The following PPP2R2C variants were observed in gnomAD, a reference collection of about 807,000 sequenced individuals.
PPP2R2C encodes protein phosphatase 2 regulatory subunit Bgamma.
PPP2R2C carries 10 observed loss-of-function variants against 45.3 expected under a neutral mutation model. The ratio of observed to expected loss-of-function variants is 0.22; its 90% CI spans 0.14 to 0.37. The LOEUF is 0.37. Among genes scored for constraint, PPP2R2C ranks in the 10% least tolerant of loss-of-function variants. PPP2R2C has a pLI of 1.00. For synonymous variants in PPP2R2C, 257 were observed against 245.4 expected, an observed-to-expected ratio of 1.05 and a Z score of -0.44; for missense variants, 308 against 619.7, an observed-to-expected ratio of 0.50 and a Z score of 5.34.
rs539841617 is a variant in PPP2R2C, at chr4:6,557,688, T to C, written c.-59+5872A>G. 2.6e-5 allele frequency among the ~76,000 whole-genome samples: 4 copies of C among 152,204 alleles called. No homozygotes were observed. The East Asian group carries it at 7.7e-4, about 29-fold the overall frequency. On this transcript the variant is annotated intron_variant, in intron 1 of 9. Transcript: ENST00000506140. The stretch of plus-strand genomic sequence containing the variant: ...ACAGCAGAGGTCAGCATGGTTATTT[T>C]AGGGAGTTGAAAGGGGAGTCTGGAT...
intron 6 of PPP2R2C, among the ~76,000 whole-genome samples, chr4:6,336,825 T>C (rs1177840203): frequency 2.3e-3 from 5 of 2,166 alleles, no homozygotes; most frequent in Non-Finnish European, 3.0e-3. Flanking sequence ...CCCTCCCTCC[T>C]TCCCTCCCTC....
At chr4:6,495,863 A>G (rs1010343044) in intron 2 of PPP2R2C, among the ~76,000 whole-genome samples, 2 of 152,198 alleles carry the variant, frequency 1.3e-5, no homozygotes, top group South Asian at 2.1e-4. Context: ...CAACAGAAAC[A>G]TGTCCTCTCA....
chr4:6,505,389 C>T (rs1004730277), intron 2 of PPP2R2C, among the ~76,000 whole-genome samples: 4 of 152,072 alleles, frequency 2.6e-5, no homozygotes, highest in Non-Finnish European at 4.4e-5. Context: ...ACATAAAAGA[C>T]CATTCAATAC....
intron 1 of PPP2R2C, among the ~76,000 whole-genome samples, chr4:6,409,522 GA>G (rs1718011860): frequency 6.6e-6 from 1 of 152,184 alleles, no homozygotes; most frequent in Non-Finnish European, 1.5e-5. Context: ...GATGTGCCCA[GA>G]GCAGCCAGCC....
intron 1 of PPP2R2C, among the ~76,000 whole-genome samples, chr4:6,442,455 G>T (rs9991896): frequency 0.27 from 41,359 of 152,118 alleles, 6,064 homozygotes; most frequent in Admixed American, 0.41. Context: ...CCACCAAGCC[G>T]TGACTGTGGT....
upstream of PPP2R2C, among the ~76,000 whole-genome samples, chr4:6,476,001 G>T (rs575977806): frequency 1.3e-5 from 2 of 152,188 alleles, no homozygotes; most frequent in Non-Finnish European, 1.5e-5. Flanking sequence ...GGGAGCACAC[G>T]GCGAGACAGT....
intron 2 of PPP2R2C, among the ~76,000 whole-genome samples, chr4:6,534,471 A>G (rs111523472): frequency 0.014 from 2,159 of 151,700 alleles, 54 homozygotes; most frequent in African/African-American, 0.049. Context: ...CACACACCCT[A>G]ACACACATAC....
At position 6,337,108 on chromosome 4, in the gene PPP2R2C, GTGTGTATATATATATATATA is replaced by G. The variant is rs1294344325; in HGVS notation, c.791-3397_791-3378del. Among the ~76,000 whole-genome samples the G allele has an allele frequency of 2.3e-3, 76 of 33,246 alleles. 7 individuals carry two copies. The East Asian group carries it at 0.075, about 33-fold the overall frequency. The allele number at this position is 33,246 out of a possible 152,430, so 21.8% of individuals were successfully genotyped here. A position where few individuals can be genotyped will look rare whatever the true frequency, so the allele number is the denominator to read the frequency against. Reference sequence around the variant, plus strand: ...TTGGCATCTTTGTTTCTGTATGTGTGTGTGTATATATATATATATATATATATATATATATATATATATAT... The same window carrying G: ...TTGGCATCTTTGTTTCTGTATGTGTGTATATATATATATATATATATATAT... On this transcript the variant is annotated intron_variant, in intron 6 of 8. Coordinates refer to ENST00000382599, the MANE Select transcript of PPP2R2C (RefSeq NM_020416.4).
chr4:6,402,686 G>C (rs554365840), intron 1 of PPP2R2C, among the ~76,000 whole-genome samples: 2 of 152,214 alleles, frequency 1.3e-5, no homozygotes, highest in Admixed American at 6.5e-5. Context: ...CCAGGGCTGC[G>C]ATGGAGGGAG....
chr4:6,485,015 A>G (rs1231249607), intron 2 of PPP2R2C, among the ~76,000 whole-genome samples: 1 of 151,784 alleles, frequency 6.6e-6, no homozygotes, highest in Non-Finnish European at 1.5e-5. Flanking sequence ...AAAGCATTCA[A>G]TCTTTCATTT....
chr4:6,546,058 G>C (rs1242199513), intron 1 of PPP2R2C, among the ~76,000 whole-genome samples: 1 of 152,224 alleles, frequency 6.6e-6, no homozygotes, highest in East Asian at 1.9e-4. Flanking sequence ...GTGGCTAAAC[G>C]AGAAGGGCCC....
intron 1 of PPP2R2C, among the ~76,000 whole-genome samples, chr4:6,541,644 C>G (rs980899072): frequency 6.6e-6 from 1 of 152,182 alleles, no homozygotes; most frequent in African/African-American, 2.4e-5. Flanking sequence ...CCTCCCAGGT[C>G]AAGCAATCCT....
intron 2 of PPP2R2C, among the ~76,000 whole-genome samples, chr4:6,485,901 G>A (rs1027366132): frequency 6.6e-6 from 1 of 151,426 alleles, no homozygotes; most frequent in African/African-American, 2.4e-5. Context: ...TTCTCTTCTG[G>A]TCCTTACTAT....
At chr4:6,460,036 G>A (rs1277052863) in intron 1 of PPP2R2C, among the ~76,000 whole-genome samples, 1 of 152,136 alleles carries the variant, frequency 6.6e-6, no homozygotes, top group African/African-American at 2.4e-5. Context: ...CACTGCTCAT[G>A]ATCCTAAACC....
rs563485392 is a variant in PPP2R2C at position 6,456,557 on chromosome 4, C to T, written c.70+15603G>A. On this transcript the variant is annotated intron_variant, in intron 1 of 8. Coordinates refer to ENST00000382599, the MANE Select transcript of PPP2R2C (RefSeq NM_020416.4). ...TTTTATCACCTTTCACATTGAAAGTCGGCGTAGGAACCACATCATTCAGCC... is the reference window on the plus strand; with the variant it reads ...TTTTATCACCTTTCACATTGAAAGTTGGCGTAGGAACCACATCATTCAGCC... 6.6e-4 allele frequency among the ~76,000 whole-genome samples: 101 copies of T among 152,198 alleles called. No homozygotes were observed. The South Asian group carries it at 0.02, about 30-fold the overall frequency.
intron 1 of PPP2R2C, among the ~76,000 whole-genome samples, chr4:6,394,834 A>G (rs1415567880): frequency 6.6e-6 from 1 of 152,236 alleles, no homozygotes; most frequent in Non-Finnish European, 1.5e-5. Context: ...GCCTGGTGAC[A>G]AGAACACCTC....
chr4:6,332,979 A>ATC lies in PPP2R2C; in HGVS notation c.960+581_960+582dup, dbSNP rs1397932444. Among the ~76,000 whole-genome samples, 2 of 152,174 alleles carry ATC rather than the reference A, an allele frequency of 1.3e-5. No individual in the cohort carries two copies. The highest frequency in any genetic ancestry group is 2.4e-5 in the African/African-American group (1 of 41,426). ...TTTCAAGTCCACATTTTATTTTAACATCACATGAGTTTTGTTGTCTACCCC... is the reference window on the plus strand; with the variant it reads ...TTTCAAGTCCACATTTTATTTTAACATCTCACATGAGTTTTGTTGTCTACCCC... On this transcript the variant is annotated intron_variant, in intron 7 of 8. Transcript: ENST00000382599. The surrounding 1 kb of genome is among the most constrained non-coding windows in gnomAD (Gnocchi z 4.9).
chr4:6,468,483 G>GT (rs749015542), intron 1 of PPP2R2C, among the ~76,000 whole-genome samples: 103 of 152,214 alleles, frequency 6.8e-4, no homozygotes, highest in Non-Finnish European at 1.2e-3. Flanking sequence ...CCAACAGTGT[G>GT]TGATGGCTGA....
chr4:6,530,864 G>A (rs752443384), intron 2 of PPP2R2C, among the ~76,000 whole-genome samples: 8 of 152,208 alleles, frequency 5.3e-5, no homozygotes, highest in Non-Finnish European at 1.0e-4. Context: ...TTCTACAGGC[G>A]CATAGGGTGG....
Sources: gnomAD v4.1 joint callset for allele counts (sites outside exome capture counted in the v4.1 genomes callset) on GRCh38, gnomAD v4.1.1 for gene constraint, Gnocchi (gnomAD v3.1) non-coding constraint, MANE v1.5 for transcripts, NCBI Gene and HGNC (gene_info 2026-07-23, HGNC 2026-07-21) for gene names.